Variants in NDUFA10 observed in about 807,000 individuals in gnomAD.
NDUFA10 encodes NADH dehydrogenase [ubiquinone] 1 alpha subcomplex subunit 10, mitochondrial.
Under a neutral mutation model 47.8 loss-of-function variants are expected in NDUFA10, and 40 were observed. The ratio of observed to expected loss-of-function variants is 0.84; its 90% confidence interval spans 0.65 to 1.09. NDUFA10 has a LOEUF of 1.09. Ranked by LOEUF, NDUFA10 falls within the 50% of genes least tolerant of loss-of-function variation. NDUFA10 has a pLI of 0.00. For missense variants in NDUFA10, 413 were observed against 451.1 expected (o/e 0.92, Z 0.76); for synonymous variants, 183 against 172.2 (o/e 1.06, Z -0.49).
intron 5 of NDUFA10, among the ~76,000 whole-genome samples, chr2:239,893,664 T>G (rs80159260): frequency 6.6e-6 from 1 of 152,262 alleles, no homozygotes; most frequent in East Asian, 1.9e-4. Context: ...AATCCATTCA[T>G]GAGGACCTGA....
intron 4 of NDUFA10, among the ~76,000 whole-genome samples, chr2:239,946,686 G>A (rs1279171940): frequency 6.6e-6 from 1 of 152,246 alleles, no homozygotes; most frequent in Non-Finnish European, 1.5e-5. Context: ...CTCCCTGAAG[G>A]AGGCAGGACC....
chr2:239,918,415 C>T (rs1442635147), intron 4 of NDUFA10, among the ~76,000 whole-genome samples: 1 of 151,744 alleles, frequency 6.6e-6, no homozygotes, highest in Non-Finnish European at 1.5e-5. Context: ...CCCCGCACGC[C>T]AGGCCTGACA....
At chr2:239,989,832 G>A (rs777385105) in intron 9 of NDUFA10, among the ~76,000 whole-genome samples, 3 of 152,184 alleles carry the variant, frequency 2.0e-5, no homozygotes, top group African/African-American at 4.8e-5. Context: ...AAGATAATAT[G>A]CCTGATGAAG....
intron 4 of NDUFA10, among the ~76,000 whole-genome samples, chr2:239,929,150 G>C (rs1694114554): frequency 6.6e-6 from 1 of 152,188 alleles, no homozygotes; most frequent in Admixed American, 6.5e-5. Flanking sequence ...TCCAAAGCCG[G>C]GATGCAGCCA....
chr2:239,905,517 A>C (rs998818539), intron 4 of NDUFA10, among the ~76,000 whole-genome samples: 3 of 152,178 alleles, frequency 2.0e-5, no homozygotes, highest in African/African-American at 7.2e-5. Context: ...GGCCAACAGC[A>C]CCTGCTGTCG....
chr2:240,007,443 AC>A, intron 6 of NDUFA10, 73 bp from the exon 7 acceptor site: 1 of 1,034,760 alleles, frequency 9.7e-7, no homozygotes, highest in Non-Finnish European at 1.5e-6. Context: ...ATGAATACAT[AC>A]CGCTAAAGTC....
intron 4 of NDUFA10, among the ~76,000 whole-genome samples, chr2:239,926,614 A>AT (rs1451556007): frequency 1.2e-5 from 1 of 84,588 alleles, no homozygotes; most frequent in African/African-American, 5.7e-5. Flanking sequence ...CCTCCTACTT[A>AT]TAAAAAAAAA....
At position 239,959,601 on chromosome 2, in the gene NDUFA10, T is replaced by C; in HGVS notation, c.*1517A>G. The C allele has an allele frequency of 1.0e-6, 1 of 985,602 alleles. No individual in the cohort carries two copies. The highest frequency in any genetic ancestry group is 1.2e-6 in the Non-Finnish European group (1 of 830,052). The allele number at this position is 985,602 out of a possible 1,614,324, so 61.1% of individuals were successfully genotyped here. On this transcript the variant is annotated 3_prime_UTR_variant, in exon 10 of 10. Transcript: ENST00000252711. ...AATTCAAAACTCCTGGGAAACTTTA[T>C]TTTCAAATTCTTAAAACAAGGAAGG...
At position 239,960,242 on chromosome 2, in the gene NDUFA10, T is replaced by A. The variant is rs1227117684; in HGVS notation, c.*876A>T. 1 of 985,490 alleles carries A rather than the reference T, an allele frequency of 1.0e-6. No homozygotes were observed. The highest frequency in any genetic ancestry group is 1.7e-5 in the African/African-American group (1 of 57,238). 61.0% of individuals were successfully genotyped at this position (985,490 alleles called of 1,614,324 possible). ...TCAGTAGGACTCACAACTGACAGCT[T>A]GATTCCTAAACCATGATGCTGAACC... On this transcript the variant is annotated 3_prime_UTR_variant, in exon 10 of 10. Transcript: ENST00000252711.
At chr2:239,939,266 GGA>G (rs1315331759) in intron 4 of NDUFA10, among the ~76,000 whole-genome samples, 1 of 152,178 alleles carries the variant, frequency 6.6e-6, no homozygotes, top group Non-Finnish European at 1.5e-5. Context: ...AGTGTCTTCT[GGA>G]CACTTTCCAA....
intron 9 of NDUFA10, among the ~76,000 whole-genome samples, chr2:239,963,960 C>T (rs1033925832): frequency 6.6e-6 from 1 of 152,142 alleles, no homozygotes; most frequent in Non-Finnish European, 1.5e-5. Flanking sequence ...ACAGGAGGAG[C>T]GGGGTGGGAA....
chr2:239,951,194 A>G (rs1434356962), intron 4 of NDUFA10, among the ~76,000 whole-genome samples: 1 of 152,180 alleles, frequency 6.6e-6, no homozygotes, highest in African/African-American at 2.4e-5. Context: ...AGGAGAGGCT[A>G]CTATTGAGAC....
intron 9 of NDUFA10, among the ~76,000 whole-genome samples, chr2:239,970,820 A>C (rs915772553): frequency 6.6e-6 from 1 of 152,262 alleles, no homozygotes; most frequent in Admixed American, 6.5e-5. Flanking sequence ...GTACATAACC[A>C]TTCTAAAAAG....
chr2:239,960,379 A>T lies in NDUFA10; in HGVS notation c.*739T>A. 1.1e-5 allele frequency: 11 copies of T among 985,644 alleles called. No homozygotes were observed. The highest frequency in any genetic ancestry group is 1.2e-5 in the Non-Finnish European group (10 of 830,082). 61.1% of individuals were successfully genotyped at this position (985,644 alleles called of 1,614,324 possible). On this transcript the variant is annotated 3_prime_UTR_variant, in exon 10 of 10. Transcript: ENST00000252711. The stretch of plus-strand genomic sequence containing the variant: ...CAACTTGATTTTCTGGGTAATAAAG[A>T]GAGTATATTATTTTGCTTTTGCATC...
Position 240,016,330 on chromosome 2 carries a change from T to C in NDUFA10, c.548-1470A>G, listed in dbSNP as rs192937255. 1.3e-5 allele frequency among the ~76,000 whole-genome samples: 2 copies of C among 152,312 alleles called. No individual in the cohort carries two copies. The highest frequency in any genetic ancestry group is 2.4e-5 in the African/African-American group (1 of 41,568). On this transcript the variant is annotated intron_variant, in intron 4 of 9. Transcript: ENST00000252711. This position sits in a 1 kb window ranked among gnomAD's most constrained non-coding sequence, Gnocchi z 4.4. ...GGACCGGTAGCAGGCCGGTCTCTCC[T>C]GCTGCTGAGGTGAAACCTCCCTTCA...
At chr2:239,915,161 GATACACAAAC>G (rs1693834636) in intron 4 of NDUFA10, among the ~76,000 whole-genome samples, 3 of 137,262 alleles carry the variant, frequency 2.2e-5, no homozygotes, top group Non-Finnish European at 4.7e-5. Flanking sequence ...GACACACAGA[GATACACAAAC>G]ATACACACAC....
At chr2:239,973,507 G>C (rs1369743675) in intron 9 of NDUFA10, 4 of 470,896 alleles carry the variant, frequency 8.5e-6, no homozygotes, top group South Asian at 6.2e-5. Flanking sequence ...AAAATAGCAG[G>C]CGAGAAAACA....
At chr2:240,009,887 A>G (rs1697075344) in intron 6 of NDUFA10, among the ~76,000 whole-genome samples, 1 of 152,264 alleles carries the variant, frequency 6.6e-6, no homozygotes, top group Admixed American at 6.5e-5. Flanking sequence ...TGGTTTAAAT[A>G]TACAAGCCCG....
chr2:239,921,071 T>C (rs1320222546), intron 4 of NDUFA10, among the ~76,000 whole-genome samples: 1 of 152,160 alleles, frequency 6.6e-6, no homozygotes, highest in Non-Finnish European at 1.5e-5. Context: ...CAGGAGTGTG[T>C]GATCGTTTGT....
Sources: gnomAD v4.1 joint callset for allele counts (sites outside exome capture counted in the v4.1 genomes callset) on GRCh38, gnomAD v4.1.1 for gene constraint, Gnocchi (gnomAD v3.1) non-coding constraint, MANE v1.5 for transcripts, NCBI Gene and HGNC (gene_info 2026-07-23, HGNC 2026-07-21) for gene names.